KRT39: variants seen among roughly 807,000 people sequenced by gnomAD.
KRT39 encodes the protein keratin 39.
In KRT39, 47 loss-of-function variants were observed where a neutral mutation model predicts 54.8. That is an observed-to-expected ratio of 0.86 (90% CI 0.68 to 1.09). KRT39 has a LOEUF of 1.09. Among genes scored for constraint, KRT39 ranks in the 50% least tolerant of loss-of-function variants. The probability of loss-of-function intolerance (pLI) is 0.00; values close to 1 mark genes in which losing one functional copy is unlikely to be tolerated. For synonymous variants in KRT39, 207 were observed against 227.9 expected (o/e 0.91, Z 0.83); for missense variants, 580 against 598.5 (o/e 0.97, Z 0.32).
intron 5 of KRT39, 32 bp from the exon 6 acceptor site, chr17:40,960,533 T>C: frequency 6.4e-7 from 1 of 1,558,266 alleles, no homozygotes; most frequent in Non-Finnish European, 8.9e-7. Context: ...GGATTTATAA[T>C]GACTCCTTTA....
In KRT39 at chr17:40,964,436, G is replaced by T. The variant is rs1223900617; in HGVS notation, c.551+10C>A. ...GCTCTGTCATTGATGACGGTGTTGG[G>T]TGGGCTTACTTGGCTCTCAAGTCAT... On this transcript the variant is annotated intron_variant, in intron 2 of 6. Transcript: ENST00000355612. The T allele has an allele frequency of 6.2e-7, 1 of 1,613,390 alleles. No individual in the cohort carries two copies. Among genetic ancestry groups the T allele is most frequent in the Non-Finnish European group, 8.5e-7 (1 of 1,179,278 alleles).
At chr17:40,960,041 C>A (rs757796740) in intron 6 of KRT39, among the ~76,000 whole-genome samples, 15 of 152,124 alleles carry the variant, frequency 9.9e-5, no homozygotes, top group Non-Finnish European at 1.8e-4. Context: ...AAGAAATTAA[C>A]CTGGCCCATG....
rs773145207 is a variant in KRT39 at position 40,958,707 on chromosome 17, A to G, written c.1370T>C (p.Ile457Thr). The G allele has an allele frequency of 6.2e-7, 1 of 1,614,112 alleles. No homozygotes were observed. The highest frequency in any genetic ancestry group is 8.5e-7 in the Non-Finnish European group (1 of 1,180,000). The part of the protein sequence containing the change: ...HCSACGPLSR[I>T]LVKICTITKE... The stretch of plus-strand genomic sequence containing the variant: ...GGTGATGGTGCAAATTTTAACCAGT[A>G]TCCGGGACAGGGGTCCGCAGGCACT... The change falls in exon 7 of 7, where the codon ATA (isoleucine) becomes ACA (threonine). Residue 457 changes from isoleucine to threonine, a missense_variant. By Grantham distance (89) the Ile-to-Thr change is moderately conservative. Transcript: ENST00000355612.
chr17:40,966,744 C>A lies in KRT39; in HGVS notation c.113G>T (p.Gly38Val). ...TGGTTGACAGTTGTTGACTGTAAGG[C>A]CACCAGGATGGCAGCCGTTGTTAGA... is the stretch of plus-strand genomic sequence containing the variant. ...ISSNNGCHPG[G>V]LTVNNCQPAG... The change falls in exon 1 of 7, where the codon GGC becomes GTC. Residue 38 changes from glycine to valine, a missense_variant. Physicochemically the swap from Gly to Val is moderately radical, Grantham distance 109. Transcript: ENST00000355612. 1 of 1,614,124 alleles carries A rather than the reference C, an allele frequency of 6.2e-7. No individual in the cohort carries two copies. The highest frequency in any genetic ancestry group is 2.2e-5 in the East Asian group (1 of 44,876).
intron 6 of KRT39, 66 bp from the exon 7 acceptor site, chr17:40,958,925 G>A (rs1440233722): frequency 1.4e-6 from 2 of 1,475,496 alleles, no homozygotes; most frequent in South Asian, 2.7e-5. Context: ...GGAGAAAAAT[G>A]ATTGTGGCTA....
Position 40,960,538 on chromosome 17 carries a change from C to T in KRT39, c.997-37G>A, listed in dbSNP as rs764319484. 97 of 1,518,720 alleles carry T rather than the reference C, an allele frequency of 6.4e-5. 1 individual carries two copies. The Middle Eastern group carries it at 1.5e-3, about 24-fold the overall frequency. The allele number at this position is 1,518,720 out of a possible 1,614,324, so 94.1% of individuals were successfully genotyped here. ...AAGGATAGTAGGATTTATAATGACT[C>T]CTTTAAGCCCAGGTCACCTGTGACC... On this transcript the variant is annotated intron_variant, in intron 5 of 6. Coordinates refer to ENST00000355612, the MANE Select transcript of KRT39 (RefSeq NM_213656.4).
intron 3 of KRT39, among the ~76,000 whole-genome samples, chr17:40,963,392 G>A (rs887135788): frequency 6.6e-6 from 1 of 152,104 alleles, no homozygotes; most frequent in African/African-American, 2.4e-5. Context: ...AGTGAGATGT[G>A]CCTGCTTCCC....
In KRT39 at chr17:40,966,602, G is replaced by A. The variant is rs758010175; in HGVS notation, c.255C>T (p.Cys85=). The A allele has an allele frequency of 1.2e-5, 19 of 1,614,042 alleles. No homozygotes were observed. In the East Asian group the frequency reaches 3.8e-4, roughly 32 times the overall value. The stretch of plus-strand genomic sequence containing the variant: ...TGTTGATGCCTTCACCATACCAGCT[G>A]CAGTCATCCAGAGAAAAACGGGCAT... ...NFNARFSLDD[C]SWYGEGINSN... The change falls in exon 1 of 7, where the codon TGC becomes TGT. Residue 85 remains cysteine, a synonymous_variant. Coordinates refer to ENST00000355612, the MANE Select transcript of KRT39 (RefSeq NM_213656.4).
At chr17:40,963,969 TTTGCTAGGGGGATCTACA>T (rs1272740097) in intron 2 of KRT39, among the ~76,000 whole-genome samples, 186 bp from the exon 3 acceptor site, 17 of 152,298 alleles carry the variant, frequency 1.1e-4, no homozygotes, top group Non-Finnish European at 1.8e-4. Context: ...CCCAAATTAG[TTTGCTAGGGGGATCTACA>T]TTGCTGTTCT....
rs953014972 is a variant in KRT39 at position 40,963,884 on chromosome 17, A to G, written c.552-101T>C. ...GCATTTTGCTCTGGGCACCTCACTT[A>G]GTGTATTTCTATTAGAAGTTTTATT... On this transcript the variant is annotated intron_variant, in intron 2 of 6. Transcript: ENST00000355612. 4.4e-5 allele frequency: 35 copies of G among 799,824 alleles called. No individual in the cohort carries two copies. In the African/African-American group the frequency reaches 6.0e-4, roughly 14 times the overall value. The allele number at this position is 799,824 out of a possible 1,614,324, so 49.5% of individuals were successfully genotyped here. A position where few individuals can be genotyped will look rare whatever the true frequency, so the allele number is the denominator to read the frequency against.
In KRT39 at chr17:40,962,211, C is replaced by T. The variant is rs1911181741; in HGVS notation, c.947G>A (p.Arg316Lys). 2 of 1,614,112 alleles carry T rather than the reference C, an allele frequency of 1.2e-6. No homozygotes were observed. The highest frequency in any genetic ancestry group is 2.2e-5 in the East Asian group (1 of 44,900). ...AACCTCCAGAGTGTTCACACTGCGTCTCAGTTCTATGATCTCCTTTTGGCA... is the reference window on the plus strand; with the variant it reads ...AACCTCCAGAGTGTTCACACTGCGTTTCAGTTCTATGATCTCCTTTTGGCA... ...QCCQKEIIEL[R>K]RSVNTLEVEL... The change falls in exon 5 of 7, where the codon AGA becomes AAA. Residue 316 changes from arginine to lysine, a missense_variant. Coordinates refer to ENST00000355612, the MANE Select transcript of KRT39 (RefSeq NM_213656.4).
chr17:40,961,239 C>A (rs1186864669), intron 5 of KRT39, among the ~76,000 whole-genome samples: 1 of 152,006 alleles, frequency 6.6e-6, no homozygotes, highest in Non-Finnish European at 1.5e-5. Flanking sequence ...TCCACCAGAT[C>A]AATTCCTTTA....
chr17:40,965,936 G>A (rs1911370944), intron 1 of KRT39, among the ~76,000 whole-genome samples: 1 of 152,132 alleles, frequency 6.6e-6, no homozygotes, highest in South Asian at 2.1e-4. Context: ...GGGCTGGAGT[G>A]CAGTGGCAGG....
chr17:40,964,581 T>G (rs1403377406), intron 1 of KRT39, 53 bp from the exon 2 acceptor site: 1 of 1,276,750 alleles, frequency 7.8e-7, no homozygotes, highest in African/African-American at 1.5e-5. Context: ...GATTTCCTTC[T>G]TTAAGAACCA....
chr17:40,966,628 T>C lies in KRT39; in HGVS notation c.229A>G (p.Asn77Asp). The C allele has an allele frequency of 1.2e-6, 2 of 1,614,216 alleles. No individual in the cohort carries two copies. The highest frequency in any genetic ancestry group is 1.7e-6 in the Non-Finnish European group (2 of 1,180,034). The change falls in exon 1 of 7, where the codon AAT (asparagine) becomes GAT (aspartate). Residue 77 changes from asparagine to aspartate, a missense_variant. Transcript: ENST00000355612. ...RKPIYLMNNF[N>D]ARFSLDDCSW... ...CAGTCATCCAGAGAAAAACGGGCAT[T>C]GAAGTTGTTCATTAGGTAGATGGGC...
rs747337750 is a variant in KRT39 at position 40,964,491 on chromosome 17, G to T, written c.506C>A (p.Ser169Ter). ...AGTCAGTTTGGTGTTGTCAATTTGCGAGACCAGTCTGGAATTCTCGGCCTT... is the reference window on the plus strand; with the variant it reads ...AGTCAGTTTGGTGTTGTCAATTTGCTAGACCAGTCTGGAATTCTCGGCCTT... ...CTKAENSRLV[S>*]QIDNTKLTAD... is the part of the protein sequence containing the mutation. The change falls in exon 2 of 7, where the codon TCG (serine) becomes TAG (stop). Residue 169 changes from serine to a stop codon, truncating the protein, a stop_gained. Coordinates refer to ENST00000355612, the MANE Select transcript of KRT39 (RefSeq NM_213656.4). LOFTEE classifies it high-confidence loss of function. 2 of 1,614,102 alleles carry T rather than the reference G, an allele frequency of 1.2e-6. No homozygotes were observed. The highest frequency in any genetic ancestry group is 1.1e-5 in the South Asian group (1 of 91,082).
Position 40,962,447 on chromosome 17 carries a change from G to A in KRT39, c.825C>T (p.Ile275=), listed in dbSNP as rs780842043. Residue 275 remains isoleucine, a synonymous_variant, in exon 4 of 7, where the codon ATC becomes ATT. Transcript: ENST00000355612. ...CCACATCTTTGCGGTTTGTCTCCATGATGGGCTCATATTGACATCTCATTT... is the reference window on the plus strand; with the variant it reads ...CCACATCTTTGCGGTTTGTCTCCATAATGGGCTCATATTGACATCTCATTT... The part of the protein sequence containing the change: ...LQEMRCQYEP[I]METNRKDVEQ... The A allele has an allele frequency of 1.2e-6, 2 of 1,614,222 alleles. No individual in the cohort carries two copies. Among genetic ancestry groups the A allele is most frequent in the Non-Finnish European group, 1.7e-6 (2 of 1,180,046 alleles).
chr17:40,966,453 T>C lies in KRT39; in HGVS notation c.404A>G (p.Glu135Gly), dbSNP rs1911399907. Residue 135 changes from glutamate to glycine, a missense_variant, in exon 1 of 7, where the codon GAG (glutamate) becomes GGG (glycine). Transcript: ENST00000355612. ...GTAATCAGGACATAGAACAGGGAGC[T>C]CTTTGTTACTTTCTTCCTGGATTTT... ...ESKIQEESNK[E>G]LPVLCPDYLS... 6 of 1,614,032 alleles carry C rather than the reference T, an allele frequency of 3.7e-6. No homozygotes were observed. The East Asian group carries it at 1.1e-4, about 30-fold the overall frequency.
At chr17:40,965,614 C>T (rs1016165159) in intron 1 of KRT39, among the ~76,000 whole-genome samples, 1 of 152,066 alleles carries the variant, frequency 6.6e-6, no homozygotes, top group African/African-American at 2.4e-5. Flanking sequence ...CTGTGCATAA[C>T]AAACTTAGGT....
Sources: gnomAD v4.1 joint callset for allele counts (sites outside exome capture counted in the v4.1 genomes callset) on GRCh38, gnomAD v4.1.1 for gene constraint, MANE v1.5 for transcripts, NCBI Gene and HGNC (gene_info 2026-07-23, HGNC 2026-07-21) for gene names.